FSHR: variants seen among roughly 807,000 people sequenced by gnomAD.
FSHR encodes the protein follicle-stimulating hormone receptor.
In FSHR, 46 loss-of-function variants were observed where a neutral mutation model predicts 52.1. The ratio of observed to expected loss-of-function variants is 0.88; its 90% CI spans 0.70 to 1.13. The LOEUF is 1.13. Among genes scored for constraint, FSHR ranks in the 50% most tolerant of loss-of-function variants. The pLI is 0.00. For missense variants in FSHR, 964 were observed against 834.6 expected, an observed-to-expected ratio of 1.16 and a Z score of -1.91; for synonymous variants, 399 against 309.6, an observed-to-expected ratio of 1.29 and a Z score of -3.03.
At chr2:49,128,968 T>C (rs1181978933) in intron 1 of FSHR, among the ~76,000 whole-genome samples, 1 of 151,896 alleles carries the variant, frequency 6.6e-6, no homozygotes. Context: ...TATTATTTTC[T>C]CACAATCCTA....
chr2:49,069,609 T>G (rs1157572582), intron 1 of FSHR, among the ~76,000 whole-genome samples: 2 of 152,160 alleles, frequency 1.3e-5, no homozygotes, highest in African/African-American at 2.4e-5. Context: ...ACCAAATGCC[T>G]AGAACAGTGC....
intron 1 of FSHR, among the ~76,000 whole-genome samples, chr2:49,109,953 G>T (rs1387294753): frequency 1.3e-5 from 2 of 152,082 alleles, no homozygotes; most frequent in African/African-American, 4.8e-5. Context: ...ATGAGAGTTG[G>T]GGCTATGCAG....
At chr2:49,046,067 A>G (rs574435993) in intron 2 of FSHR, among the ~76,000 whole-genome samples, 1 of 152,304 alleles carries the variant, frequency 6.6e-6, no homozygotes, top group East Asian at 1.9e-4. Context: ...GCCAGTTACC[A>G]AATTTTTCTG....
At chr2:49,066,451 A>G (rs1394202) in intron 2 of FSHR, among the ~76,000 whole-genome samples, 7,866 of 152,128 alleles carry the variant, frequency 0.052, 458 homozygotes, top group East Asian at 0.21. Context: ...GAGCACGGAG[A>G]CTGAGGAATA....
rs556441283 is a variant in FSHR, at chr2:49,154,498, C to T, written c.-81G>A. 8.8e-5 allele frequency: 128 copies of T among 1,455,194 alleles called. No homozygotes were observed. Among genetic ancestry groups the T allele is most frequent in the Non-Finnish European group, 1.2e-4 (122 of 1,041,068 alleles). The allele number at this position is 1,455,194 out of a possible 1,614,324, so 90.1% of individuals were successfully genotyped here. On this transcript the variant is annotated 5_prime_UTR_variant, in exon 1 of 10. Transcript: ENST00000406846. The stretch of plus-strand genomic sequence containing the variant: ...AGATCTCAGAAGCTCCACACAGTGC[C>T]CTTATGAGAAGAGATCTGACTTGAG...
At chr2:49,121,708 A>G (rs919794740) in intron 1 of FSHR, among the ~76,000 whole-genome samples, 1 of 152,196 alleles carries the variant, frequency 6.6e-6, no homozygotes, top group African/African-American at 2.4e-5. Flanking sequence ...TGTGCATAGC[A>G]ACCTTAACTC....
intron 3 of FSHR, among the ~76,000 whole-genome samples, chr2:49,018,794 C>T (rs1266161247): frequency 4.6e-5 from 7 of 151,976 alleles, no homozygotes; most frequent in Non-Finnish European, 5.9e-5. Flanking sequence ...GGGGAGATTG[C>T]CAAATGAGCA....
At chr2:49,005,967 C>A (rs1471715566) in intron 4 of FSHR, among the ~76,000 whole-genome samples, 2 of 152,078 alleles carry the variant, frequency 1.3e-5, no homozygotes, top group African/African-American at 4.8e-5. Context: ...CATGGCCAGA[C>A]TATAAAGCAG....
intron 2 of FSHR, among the ~76,000 whole-genome samples, chr2:49,032,012 A>G (rs1668116872): frequency 6.6e-6 from 1 of 152,150 alleles, no homozygotes; most frequent in African/African-American, 2.4e-5. Context: ...GTACTCCATA[A>G]ATGTGTGTTG....
intron 1 of FSHR, among the ~76,000 whole-genome samples, chr2:49,150,914 T>C (rs1673037978): frequency 6.6e-6 from 1 of 152,082 alleles, no homozygotes; most frequent in South Asian, 2.1e-4. Flanking sequence ...TTCTCACCTT[T>C]TCACATGGTT....
At chr2:49,074,737 C>A (rs186053479) in intron 1 of FSHR, among the ~76,000 whole-genome samples, 168 of 152,098 alleles carry the variant, frequency 1.1e-3, no homozygotes, top group African/African-American at 4.0e-3. Context: ...GTTTTTATTG[C>A]AGCACTACTC....
chr2:49,037,478 A>G (rs1203135800), intron 2 of FSHR, among the ~76,000 whole-genome samples: 1 of 152,212 alleles, frequency 6.6e-6, no homozygotes, highest in East Asian at 1.9e-4. Flanking sequence ...TTGCACTTCA[A>G]TAAGTGAGGA....
intron 1 of FSHR, among the ~76,000 whole-genome samples, chr2:49,147,861 T>C (rs1266242822): frequency 6.6e-6 from 1 of 151,944 alleles, no homozygotes; most frequent in Non-Finnish European, 1.5e-5. Flanking sequence ...GAAAGGATTA[T>C]GTATATATTA....
At chr2:48,978,568 T>A (rs1211865203) in intron 8 of FSHR, among the ~76,000 whole-genome samples, 1 of 152,220 alleles carries the variant, frequency 6.6e-6, no homozygotes, top group Non-Finnish European at 1.5e-5. Flanking sequence ...TGCATTAAAT[T>A]TTCCCCACAG....
chr2:49,143,645 A>G (rs1672771453), intron 1 of FSHR, among the ~76,000 whole-genome samples: 1 of 152,204 alleles, frequency 6.6e-6, no homozygotes, highest in Non-Finnish European at 1.5e-5. Flanking sequence ...AGCAACAAGG[A>G]CAGAAGAACA....
chr2:49,142,011 G>C (rs1672705340), intron 1 of FSHR, among the ~76,000 whole-genome samples: 1 of 152,198 alleles, frequency 6.6e-6, no homozygotes, highest in African/African-American at 2.4e-5. Context: ...GCTATAGGTG[G>C]CATGCAGCAT....
chr2:49,096,317 T>C (rs1572738988), intron 1 of FSHR, among the ~76,000 whole-genome samples: 1 of 152,152 alleles, frequency 6.6e-6, no homozygotes, highest in Admixed American at 6.5e-5. Flanking sequence ...ATAACATAGA[T>C]GAAACTTGAA....
chr2:49,132,440 C>T (rs564316101), intron 1 of FSHR, among the ~76,000 whole-genome samples: 51 of 152,142 alleles, frequency 3.4e-4, no homozygotes, highest in African/African-American at 9.6e-4. Context: ...AATTTTATTT[C>T]GATGTTTTGC....
intron 2 of FSHR, among the ~76,000 whole-genome samples, chr2:49,025,863 G>A (rs1667896231): frequency 6.6e-6 from 1 of 152,206 alleles, no homozygotes; most frequent in African/African-American, 2.4e-5. Flanking sequence ...GCATAAAGGA[G>A]ATTAGGTAGA....
Sources: allele counts gnomAD v4.1 joint callset (sites outside exome capture counted in the v4.1 genomes callset), GRCh38; gene constraint gnomAD v4.1.1; transcripts MANE v1.5; gene names NCBI Gene and HGNC (gene_info 2026-07-23, HGNC 2026-07-21).